Variants in CHST3 observed in about 807,000 individuals in gnomAD.
CHST3 encodes carbohydrate sulfotransferase 3, also known as C6ST-1.
CHST3 carries 20 observed loss-of-function variants against 35.4 expected under a neutral mutation model. That is an observed-to-expected ratio of 0.57 (90% CI 0.40 to 0.82). CHST3 has a LOEUF of 0.82. CHST3 is among the 40% of genes least tolerant of loss of function. The pLI, the probability that CHST3 is intolerant of heterozygous loss-of-function variation, is 0.00. For missense variants in CHST3, 693 were observed against 670.1 expected (o/e 1.03, Z -0.38); for synonymous variants, 334 against 295.9 (o/e 1.13, Z -1.32).
Position 72,007,254 on chromosome 10 carries a change from G to C in CHST3, c.223G>C (p.Ala75Pro), listed in dbSNP as rs1840048191. The change falls in exon 3 of 3, where the codon GCA becomes CCA. Residue 75 changes from alanine (A) to proline (P), a missense_variant. Coordinates refer to ENST00000373115, the MANE Select transcript of CHST3 (RefSeq NM_004273.5). Reference sequence around the variant, plus strand: ...CCCAGCCCTGATCTTAGCTGAGAACGCATCTCTCTTGTCCCTGAGCGAGCT... The same window carrying C: ...CCCAGCCCTGATCTTAGCTGAGAACCCATCTCTCTTGTCCCTGAGCGAGCT... Reference protein sequence around the residue: ...TDPALILAENASLLSLSELDS... With the variant: ...TDPALILAENPSLLSLSELDS... 1 of 1,614,078 alleles carries C rather than the reference G, an allele frequency of 6.2e-7. No individual in the cohort carries two copies. The highest frequency in any genetic ancestry group is 1.7e-5 in the Admixed American group (1 of 60,004).
chr10:71,988,456 G>A (rs1196320539), intron 1 of CHST3, among the ~76,000 whole-genome samples: 1 of 152,200 alleles, frequency 6.6e-6, no homozygotes, highest in Non-Finnish European at 1.5e-5. Context: ...CTTCCTCATA[G>A]TGAGTTCTTG....
intron 1 of CHST3, among the ~76,000 whole-genome samples, chr10:71,995,891 A>T (rs139281518): frequency 6.6e-6 from 1 of 152,356 alleles, no homozygotes; most frequent in African/African-American, 2.4e-5. Context: ...TGTGACACAG[A>T]GACACACAGA....
At chr10:71,999,025 C>T (rs1436170225) in intron 1 of CHST3, among the ~76,000 whole-genome samples, 1 of 152,188 alleles carries the variant, frequency 6.6e-6, no homozygotes, top group African/African-American at 2.4e-5. Flanking sequence ...CGTTTACTCT[C>T]CTGTCAGGCA....
intron 1 of CHST3, among the ~76,000 whole-genome samples, chr10:71,981,546 G>GC (rs1220488347): frequency 3.9e-5 from 6 of 152,242 alleles, no homozygotes; most frequent in South Asian, 4.2e-4. Flanking sequence ...AAGGACTCCA[G>GC]CCCCCCCAGG....
intron 1 of CHST3, among the ~76,000 whole-genome samples, chr10:71,977,187 C>A (rs1229796082): frequency 6.6e-6 from 1 of 152,242 alleles, no homozygotes; most frequent in African/African-American, 2.4e-5. Context: ...TTGCTGCCCA[C>A]AGTCCCAGCC....
chr10:72,007,388 G>A lies in CHST3; in HGVS notation c.357G>A (p.Lys119=), dbSNP rs1341109977. The change falls in exon 3 of 3, where the codon AAG becomes AAA. Residue 119 remains lysine, a synonymous_variant. Transcript: ENST00000373115. ...AAGEEEEEQR[K]EEEPPRPAVA... is the part of the protein sequence containing the mutation. Reference sequence around the variant, plus strand: ...GGGAGGAAGAGGAAGAGCAGAGAAAGGAGGAGGAGCCGCCCAGACCGGCCG... The same window carrying A: ...GGGAGGAAGAGGAAGAGCAGAGAAAAGAGGAGGAGCCGCCCAGACCGGCCG... 1.2e-6 allele frequency: 2 copies of A among 1,606,196 alleles called. No homozygotes were observed. The highest frequency in any genetic ancestry group is 1.7e-5 in the Admixed American group (1 of 58,822).
intron 1 of CHST3, among the ~76,000 whole-genome samples, chr10:72,000,846 G>T (rs4148934): frequency 0.086 from 13,056 of 152,014 alleles, 640 homozygotes; most frequent in Admixed American, 0.14. Flanking sequence ...GGCTGGGCCT[G>T]AGGAAGCCAG....
At chr10:72,004,485 G>A (rs186771455) in intron 1 of CHST3, among the ~76,000 whole-genome samples, 4 of 152,250 alleles carry the variant, frequency 2.6e-5, no homozygotes, top group Admixed American at 2.6e-4. Flanking sequence ...AAGGATTTAG[G>A]TAGAATTTAT....
intron 1 of CHST3, among the ~76,000 whole-genome samples, chr10:71,980,576 T>A (rs1404704940): frequency 1.3e-5 from 2 of 152,310 alleles, no homozygotes; most frequent in East Asian, 3.9e-4. Context: ...CTGCAGAGTG[T>A]GCTAAAACAA....
chr10:71,995,465 T>C (rs1167262578), intron 1 of CHST3, among the ~76,000 whole-genome samples: 1 of 151,890 alleles, frequency 6.6e-6, no homozygotes, highest in Non-Finnish European at 1.5e-5. Context: ...CACTCACAGC[T>C]TGGCTAACTG....
chr10:71,975,233 G>C (rs116508194), intron 1 of CHST3, among the ~76,000 whole-genome samples: 1 of 152,020 alleles, frequency 6.6e-6, no homozygotes, highest in Non-Finnish European at 1.5e-5. Context: ...CTTTATTTTC[G>C]TCCATCTGAT....
rs1026049345 is a variant in CHST3 at position 72,012,028 on chromosome 10, C to T, written c.*3557C>T. Reference sequence around the variant, plus strand: ...ACATAAAGCAAATTTAGGCTTTTGTCCTTCTGCAATACATGCACTTGAAAA... The same window carrying T: ...ACATAAAGCAAATTTAGGCTTTTGTTCTTCTGCAATACATGCACTTGAAAA... On this transcript the variant is annotated 3_prime_UTR_variant, in exon 3 of 3. Coordinates refer to ENST00000373115, the MANE Select transcript of CHST3 (RefSeq NM_004273.5). 2.0e-5 allele frequency: 3 copies of T among 152,174 alleles called. No homozygotes were observed. Among genetic ancestry groups the T allele is most frequent in the African/African-American group, 7.2e-5 (3 of 41,426 alleles). 9.4% of individuals were successfully genotyped at this position (152,174 alleles called of 1,614,324 possible).
At chr10:71,998,605 G>A (rs1839963646) in intron 1 of CHST3, among the ~76,000 whole-genome samples, 1 of 152,252 alleles carries the variant, frequency 6.6e-6, no homozygotes, top group Admixed American at 6.5e-5. Context: ...AGGGCCGAGG[G>A]GCAGCCAGGC....
At chr10:71,982,195 C>G (rs1199237226) in intron 1 of CHST3, among the ~76,000 whole-genome samples, 1 of 152,166 alleles carries the variant, frequency 6.6e-6, no homozygotes, top group African/African-American at 2.4e-5. Flanking sequence ...TAAATATAAT[C>G]ACAAGTGTCC....
intron 1 of CHST3, among the ~76,000 whole-genome samples, chr10:71,998,516 A>G (rs1009613310): frequency 3.3e-5 from 5 of 152,230 alleles, no homozygotes; most frequent in Non-Finnish European, 4.4e-5. Flanking sequence ...GAGGTCCTGC[A>G]CTTCCTGCAG....
intron 1 of CHST3, among the ~76,000 whole-genome samples, chr10:71,994,987 TG>T (rs1328365247): frequency 5.9e-5 from 9 of 152,346 alleles, no homozygotes; most frequent in East Asian, 1.9e-4. Context: ...GGACATGCTC[TG>T]GTTTAGGTTT....
At chr10:71,997,505 TC>T (rs1176169686) in intron 1 of CHST3, among the ~76,000 whole-genome samples, 1 of 152,168 alleles carries the variant, frequency 6.6e-6, no homozygotes, top group Non-Finnish European at 1.5e-5. Flanking sequence ...GCTCCTGGCC[TC>T]CAGTCCTGCC....
intron 1 of CHST3, among the ~76,000 whole-genome samples, chr10:71,977,094 G>C (rs1302739778): frequency 6.6e-6 from 1 of 152,092 alleles, no homozygotes; most frequent in Non-Finnish European, 1.5e-5. Context: ...AAATAGCATC[G>C]GGCCCCCTGC....
intron 1 of CHST3, among the ~76,000 whole-genome samples, chr10:71,972,783 C>A (rs1419508542): frequency 6.6e-6 from 1 of 152,234 alleles, no homozygotes; most frequent in Non-Finnish European, 1.5e-5. Flanking sequence ...TGTAGCCTTC[C>A]CAGCTGCCAA....
Sources: gnomAD v4.1 joint callset for allele counts (sites outside exome capture counted in the v4.1 genomes callset) on GRCh38, gnomAD v4.1.1 for gene constraint, MANE v1.5 for transcripts, NCBI Gene and HGNC (gene_info 2026-07-23, HGNC 2026-07-21) for gene names.